EPB41L2: variants seen among roughly 807,000 people sequenced by gnomAD.
The protein encoded by EPB41L2 is band 4.1-like protein 2.
Under a neutral mutation model 113.0 loss-of-function variants are expected in EPB41L2, and 43 were observed. The observed-to-expected ratio is 0.38, with a 90% confidence interval of 0.30 to 0.49. The LOEUF (loss-of-function observed/expected upper bound fraction) is 0.49. Ranked by LOEUF, EPB41L2 falls within the 20% of genes least tolerant of loss-of-function variation. The pLI, the probability that EPB41L2 is intolerant of heterozygous loss-of-function variation, is 0.95. For missense variants in EPB41L2, 1,147 were observed against 1,223.4 expected (o/e 0.94, Z 0.93); for synonymous variants, 442 against 436.7 (o/e 1.01, Z -0.15).
chr6:130,908,564 G>GA (rs1361259918), intron 5 of EPB41L2, among the ~76,000 whole-genome samples: 10 of 151,942 alleles, frequency 6.6e-5, no homozygotes, highest in Non-Finnish European at 1.3e-4. Context: ...TTCTTTCCCA[G>GA]AAAAAAAATG....
chr6:130,850,815 C>T lies in EPB41L2; in HGVS notation c.*5+7316G>A, dbSNP rs577198022. On this transcript the variant is annotated intron_variant, in intron 19 of 19. Transcript: ENST00000337057. ...GTGACTACTGCCTGGTCTTAATGTA[C>T]GCATTAGAGCAGTGGTACCCAGCAC... Among the ~76,000 whole-genome samples the T allele has an allele frequency of 8.5e-5, 13 of 152,302 alleles. No individual in the cohort carries two copies. In the South Asian group the frequency reaches 1.2e-3, roughly 15 times the overall value.
At chr6:130,841,605 G>A (rs1204418330) in intron 19 of EPB41L2, among the ~76,000 whole-genome samples, 3 of 152,208 alleles carry the variant, frequency 2.0e-5, no homozygotes, top group Non-Finnish European at 2.9e-5. Context: ...CCAGACTTGA[G>A]TGGTCACCAC....
At chr6:130,995,774 C>T (rs1457437138) in intron 1 of EPB41L2, among the ~76,000 whole-genome samples, 6 of 152,182 alleles carry the variant, frequency 3.9e-5, no homozygotes, top group Admixed American at 2.6e-4. Flanking sequence ...ATCCTTTCCT[C>T]CTCCTATGGT....
chr6:130,875,247 T>C (rs73775329), intron 14 of EPB41L2, among the ~76,000 whole-genome samples: 7,425 of 152,234 alleles, frequency 0.049, 608 homozygotes, highest in African/African-American at 0.16. Flanking sequence ...TTATTAATAA[T>C]CTCTGTTCTC....
intron 1 of EPB41L2, among the ~76,000 whole-genome samples, chr6:131,035,687 A>G (rs1321500199): frequency 6.6e-6 from 1 of 152,194 alleles, no homozygotes; most frequent in East Asian, 1.9e-4. Context: ...CCTGGATTCA[A>G]ATGTAAACTT....
At chr6:130,868,720 C>A (rs768975573) in intron 15 of EPB41L2, 6 of 152,120 alleles carry the variant, frequency 3.9e-5, no homozygotes, top group Non-Finnish European at 7.4e-5. Flanking sequence ...AAGAAATATT[C>A]CCAAGGAAAT....
intron 4 of EPB41L2, among the ~76,000 whole-genome samples, chr6:130,913,883 A>G (rs1800164508): frequency 1.3e-5 from 2 of 152,290 alleles, no homozygotes; most frequent in Middle Eastern, 6.8e-3. Context: ...AGCAGACACA[A>G]AAAGATGGAA....
intron 1 of EPB41L2, among the ~76,000 whole-genome samples, chr6:130,994,492 C>G (rs562239014): frequency 2.6e-5 from 4 of 152,094 alleles, no homozygotes; most frequent in African/African-American, 9.7e-5. Context: ...GAATGAACAG[C>G]CCCTGCAGAC....
chr6:130,877,005 T>A (rs890011893), intron 14 of EPB41L2, among the ~76,000 whole-genome samples: 2 of 152,180 alleles, frequency 1.3e-5, no homozygotes, highest in African/African-American at 4.8e-5. Context: ...CAGAAAAATC[T>A]GAAACTAAGA....
intron 15 of EPB41L2, chr6:130,867,826 G>T (rs577105968): frequency 2.8e-4 from 125 of 441,406 alleles, no homozygotes; most frequent in Non-Finnish European, 4.5e-4. Context: ...ATGTGTGTAT[G>T]TGTACATACA....
chr6:130,865,952 T>C (rs556927440), intron 16 of EPB41L2: 31 of 235,850 alleles, frequency 1.3e-4, no homozygotes, highest in African/African-American at 6.1e-4. Context: ...AAAATGAAAC[T>C]AGAGAGCCAG....
intron 1 of EPB41L2, among the ~76,000 whole-genome samples, chr6:130,997,277 A>C (rs1453242155): frequency 6.6e-6 from 1 of 152,218 alleles, no homozygotes; most frequent in African/African-American, 2.4e-5. Flanking sequence ...CAAATTAGAG[A>C]GTGTACTTGC....
chr6:130,842,056 C>A (rs184605634), intron 19 of EPB41L2, among the ~76,000 whole-genome samples: 1 of 152,168 alleles, frequency 6.6e-6, no homozygotes, highest in Non-Finnish European at 1.5e-5. Flanking sequence ...TGGTAATTAA[C>A]GTCTTTTCCA....
chr6:130,959,899 A>T (rs1384472236), intron 1 of EPB41L2, among the ~76,000 whole-genome samples: 1 of 152,224 alleles, frequency 6.6e-6, no homozygotes, highest in Non-Finnish European at 1.5e-5. Flanking sequence ...ATAGTCTGGG[A>T]ACCAATCAAC....
intron 1 of EPB41L2, among the ~76,000 whole-genome samples, chr6:130,996,998 A>G (rs993447790): frequency 1.3e-4 from 20 of 152,200 alleles, no homozygotes; most frequent in Non-Finnish European, 1.0e-4. Flanking sequence ...GTCCCAGCAA[A>G]GTTATAATAA....
chr6:130,915,951 G>C (rs1800913908), intron 4 of EPB41L2, among the ~76,000 whole-genome samples: 1 of 152,176 alleles, frequency 6.6e-6, no homozygotes, highest in Non-Finnish European at 1.5e-5. Context: ...CCTCAGGTAT[G>C]TCTTTATCAG....
chr6:130,928,465 G>A (rs1177133113), intron 3 of EPB41L2, among the ~76,000 whole-genome samples: 1 of 152,232 alleles, frequency 6.6e-6, no homozygotes. Flanking sequence ...TGGTTATGAT[G>A]CTATTTGAAA....
intron 1 of EPB41L2, among the ~76,000 whole-genome samples, chr6:131,029,098 A>G (rs1004884306): frequency 6.6e-6 from 1 of 152,218 alleles, no homozygotes; most frequent in Non-Finnish European, 1.5e-5. Context: ...TCCACTCAGT[A>G]TAACTCATCA....
intron 4 of EPB41L2, among the ~76,000 whole-genome samples, chr6:130,910,746 T>C (rs1180093940): frequency 6.6e-6 from 1 of 152,184 alleles, no homozygotes. Context: ...AAGAAGACAT[T>C]TATGTGGCCA....
Sources: gnomAD v4.1 joint callset for allele counts (sites outside exome capture counted in the v4.1 genomes callset) on GRCh38, gnomAD v4.1.1 for gene constraint, MANE v1.5 for transcripts, NCBI Gene and HGNC (gene_info 2026-07-23, HGNC 2026-07-21) for gene names.